SYCE3: variants seen among roughly 807,000 people sequenced by gnomAD.
The protein encoded by SYCE3 is testis highly expressed gene 2 protein.
Under a neutral mutation model 8.1 loss-of-function variants are expected in SYCE3, and 3 were observed. That is an observed-to-expected ratio of 0.37 (90% confidence interval 0.17 to 0.96). The LOEUF (loss-of-function observed/expected upper bound fraction) is 0.96, where lower values mean the gene tolerates loss of function less well. Ranked by LOEUF, SYCE3 falls within the 40% of genes least tolerant of loss-of-function variation. The pLI is 0.41. For missense variants in SYCE3, 83 were observed against 110.0 expected, an observed-to-expected ratio of 0.75 and a Z score of 1.10; for synonymous variants, 36 against 38.7, an observed-to-expected ratio of 0.93 and a Z score of 0.26.
chr22:50,552,776 G>A (rs6009921), intron 2 of SYCE3, among the ~76,000 whole-genome samples: 12,394 of 152,094 alleles, frequency 0.081, 1,107 homozygotes, highest in African/African-American at 0.22. Flanking sequence ...TTAGGAGGTC[G>A]GGTCTTTTGG....
Position 50,551,336 on chromosome 22 carries a change from A to C in SYCE3, c.176T>G (p.Met59Arg). The change falls in exon 3 of 3, where the codon ATG (methionine) becomes AGG (arginine). Residue 59 changes from methionine to arginine, a missense_variant. Transcript: ENST00000406915. ...MRTNPTLAES[M>R]RRLEDAFVNC... Reference sequence around the variant, plus strand: ...GACGAAGGCATCCTCCAGCCGACGCATGGACTCGGCCAGCGTAGGGTTGGT... The same window carrying C: ...GACGAAGGCATCCTCCAGCCGACGCCTGGACTCGGCCAGCGTAGGGTTGGT... 6.4e-7 allele frequency: 1 copy of C among 1,551,308 alleles called. No individual in the cohort carries two copies. Among genetic ancestry groups the C allele is most frequent in the Non-Finnish European group, 8.7e-7 (1 of 1,146,978 alleles).
At position 50,557,886 on chromosome 22, in the gene SYCE3, A is replaced by C. The variant is rs374073289; in HGVS notation, c.1-1481T>G. Among the ~76,000 whole-genome samples the C allele has an allele frequency of 1.2e-3, 180 of 152,202 alleles. 4 individuals are homozygous for C. The South Asian group carries it at 0.03, about 25-fold the overall frequency. ...CCTTCCTGGTCTTTACTTCAGAGTT[A>C]AGGGCCTCCACTCAGTTCTCCTGTG... On this transcript the variant is annotated intron_variant, in intron 1 of 2. Coordinates refer to ENST00000406915, the MANE Select transcript of SYCE3 (RefSeq NM_001123225.3).
intron 1 of SYCE3, among the ~76,000 whole-genome samples, chr22:50,558,913 C>G (rs563906650): frequency 6.6e-6 from 1 of 152,308 alleles, no homozygotes; most frequent in East Asian, 1.9e-4. Context: ...ACCCAGGGCA[C>G]TTTCTGTCTT....
intron 2 of SYCE3, among the ~76,000 whole-genome samples, chr22:50,554,879 T>G (rs1210146216): frequency 1.3e-5 from 2 of 151,574 alleles, no homozygotes; most frequent in Non-Finnish European, 2.9e-5. Flanking sequence ...TCCCAGCACT[T>G]TGGGAGGCCG....
intron 2 of SYCE3, among the ~76,000 whole-genome samples, chr22:50,554,522 C>G (rs1429960166): frequency 6.6e-6 from 1 of 151,232 alleles, no homozygotes; most frequent in Non-Finnish European, 1.5e-5. Context: ...GGTGAAACTT[C>G]GTCTCTACTA....
chr22:50,560,322 AC>A (rs1374371443), intron 1 of SYCE3, among the ~76,000 whole-genome samples: 2 of 152,116 alleles, frequency 1.3e-5, no homozygotes, highest in Non-Finnish European at 2.9e-5. Flanking sequence ...AACAGTCTCT[AC>A]AAAAAAATTT....
At chr22:50,556,161 G>C in intron 2 of SYCE3, 136 bp downstream of exon 2, 1 of 621,534 alleles carries the variant, frequency 1.6e-6, no homozygotes, top group Non-Finnish European at 2.8e-6. Flanking sequence ...AAAGCAAGCT[G>C]TACCCTGCCA....
intron 2 of SYCE3, among the ~76,000 whole-genome samples, chr22:50,555,539 T>C (rs1008721802): frequency 1.4e-4 from 21 of 152,272 alleles, no homozygotes; most frequent in African/African-American, 4.8e-4. Flanking sequence ...ACACAGACCT[T>C]AAGTTTGATA....
rs576386493 is a variant in SYCE3, at chr22:50,551,269, C to T, written c.243G>A (p.Leu81=). Residue 81 remains leucine, a synonymous_variant, in exon 3 of 3, where the codon CTG becomes CTA. Coordinates refer to ENST00000406915, the MANE Select transcript of SYCE3 (RefSeq NM_001123225.3). ...CCTACAGCCTTTGCTTGGTCTCATGCAGCAGCTCTTGCCAGTTCTTCTCCA... is the reference window on the plus strand; with the variant it reads ...CCTACAGCCTTTGCTTGGTCTCATGTAGCAGCTCTTGCCAGTTCTTCTCCA... ...EEMEKNWQEL[L]HETKQRL 110 of 1,551,398 alleles carry T rather than the reference C, an allele frequency of 7.1e-5. No homozygotes were observed. In the Admixed American group the frequency reaches 2.1e-3, roughly 30 times the overall value.
intron 2 of SYCE3, among the ~76,000 whole-genome samples, chr22:50,555,871 G>A (rs6009923): frequency 0.083 from 12,367 of 148,396 alleles, 1,125 homozygotes; most frequent in African/African-American, 0.23. Context: ...TCGGCTCACT[G>A]CAAGCTCCAC....
chr22:50,559,459 GA>G (rs999621035), intron 1 of SYCE3, among the ~76,000 whole-genome samples: 3 of 152,102 alleles, frequency 2.0e-5, no homozygotes, highest in South Asian at 2.1e-4. Flanking sequence ...ATGAGATGAG[GA>G]AACACTGGAA....
In SYCE3 at chr22:50,560,267, A is replaced by C. The variant is rs188701294; in HGVS notation, c.-1+2591T>G. On this transcript the variant is annotated intron_variant, in intron 1 of 2. Coordinates refer to ENST00000406915, the MANE Select transcript of SYCE3 (RefSeq NM_001123225.3). ...GAATCCCAGTGCTTTGGGAGGCTAA[A>C]GCAGGAGAAATGCTTGAAGCCAGGA... 1.1e-4 allele frequency among the ~76,000 whole-genome samples: 17 copies of C among 152,298 alleles called. No homozygotes were observed. The East Asian group carries it at 3.1e-3, about 28-fold the overall frequency.
chr22:50,551,187 C>T lies in SYCE3; in HGVS notation c.*58G>A, dbSNP rs996877475. On this transcript the variant is annotated 3_prime_UTR_variant, in exon 3 of 3. Coordinates refer to ENST00000406915, the MANE Select transcript of SYCE3 (RefSeq NM_001123225.3). ...TCATGTGGGTGCCAGCTCCATCCCC[C>T]AGTGACCTCTTCATACGGGCAGAGG... 3 of 1,538,274 alleles carry T rather than the reference C, an allele frequency of 2.0e-6. No individual in the cohort carries two copies. The highest frequency in any genetic ancestry group is 2.7e-5 in the African/African-American group (2 of 72,894).
At chr22:50,552,402 C>T (rs1244010132) in intron 2 of SYCE3, among the ~76,000 whole-genome samples, 1 of 152,126 alleles carries the variant, frequency 6.6e-6, no homozygotes, top group African/African-American at 2.4e-5. Context: ...CCTGTAATCC[C>T]AGCACTTTGG....
chr22:50,556,380 C>A lies in SYCE3; in HGVS notation c.26G>T (p.Arg9Ile). MDDADPEE[R>I]NYDNMLKMLS... Reference sequence around the variant, plus strand: ...CATTTTCAGCATGTTGTCATAGTTTCTTTCCTCAGGGTCAGCATCATCCAT... The same window carrying A: ...CATTTTCAGCATGTTGTCATAGTTTATTTCCTCAGGGTCAGCATCATCCAT... Residue 9 changes from arginine (R) to isoleucine (I), a missense_variant, in exon 2 of 3, where the codon AGA becomes ATA. Coordinates refer to ENST00000406915, the MANE Select transcript of SYCE3 (RefSeq NM_001123225.3). 1 of 1,551,976 alleles carries A rather than the reference C, an allele frequency of 6.4e-7. No individual in the cohort carries two copies. Among genetic ancestry groups the A allele is most frequent in the Non-Finnish European group, 8.7e-7 (1 of 1,147,060 alleles).
intron 1 of SYCE3, among the ~76,000 whole-genome samples, chr22:50,561,665 G>T (rs1657954837): frequency 6.6e-6 from 1 of 152,014 alleles, no homozygotes; most frequent in Non-Finnish European, 1.5e-5. Flanking sequence ...GTCTTGCCTG[G>T]TACGAAGAGT....
intron 1 of SYCE3, among the ~76,000 whole-genome samples, chr22:50,562,571 G>T (rs1156686365): frequency 2.2e-4 from 14 of 63,548 alleles, no homozygotes; most frequent in African/African-American, 9.6e-4. Flanking sequence ...GAGGGGTGAG[G>T]CGGGGTGAGG....
chr22:50,559,797 G>A (rs569506525), intron 1 of SYCE3, among the ~76,000 whole-genome samples: 37 of 152,200 alleles, frequency 2.4e-4, no homozygotes, highest in East Asian at 7.8e-4. Context: ...GCATGGTGAC[G>A]GGCGCCTGTA....
chr22:50,557,157 G>GT (rs60714079), intron 1 of SYCE3, among the ~76,000 whole-genome samples: 57,035 of 137,804 alleles, frequency 0.41, 12,580 homozygotes, highest in East Asian at 0.61. Context: ...ATTTTTTTGA[G>GT]TTTTTTTTTT....
Sources: allele counts gnomAD v4.1 joint callset (sites outside exome capture counted in the v4.1 genomes callset), GRCh38; gene constraint gnomAD v4.1.1; transcripts MANE v1.5; gene names NCBI Gene and HGNC (gene_info 2026-07-23, HGNC 2026-07-21).